COMMD1: variants seen among roughly 807,000 people sequenced by gnomAD.
COMMD1 encodes the protein COMM domain-containing protein 1.
A neutral mutation model predicts 17.2 loss-of-function variants in COMMD1; 10 were observed. The ratio of observed to expected loss-of-function variants is 0.58; its 90% CI spans 0.36 to 0.99. COMMD1 has a LOEUF of 0.99. COMMD1 is among the 50% of genes least tolerant of loss of function. The pLI is 0.01. For missense variants in COMMD1, 270 were observed against 231.8 expected (o/e 1.17, Z -1.07); for synonymous variants, 97 against 91.6 (o/e 1.06, Z -0.34).
chr2:61,979,231 C>G (rs1427896915), intron 1 of COMMD1, among the ~76,000 whole-genome samples: 1 of 152,098 alleles, frequency 6.6e-6, no homozygotes, highest in Non-Finnish European at 1.5e-5. Flanking sequence ...GTAATCCCAG[C>G]ACTTTGGGAG....
intron 2 of COMMD1, among the ~76,000 whole-genome samples, chr2:62,113,901 A>G (rs1020574114): frequency 1.3e-5 from 2 of 152,358 alleles, no homozygotes; most frequent in East Asian, 1.9e-4. Context: ...GAAGAGAAAT[A>G]TAAAGGCTTT....
At position 61,992,657 on chromosome 2, in the gene COMMD1, C is replaced by G. The variant is rs796523875; in HGVS notation, c.181-8044C>G. ...TTGGGTATTGAAGGATGCCGAACAT[C>G]CCTAGCTCATGCTCACTTAATGCGA... On this transcript the variant is annotated intron_variant, in intron 1 of 2. Coordinates refer to ENST00000311832, the MANE Select transcript of COMMD1 (RefSeq NM_152516.4). Among the ~76,000 whole-genome samples the G allele has an allele frequency of 1.4e-4, 21 of 152,288 alleles. 1 individual carries two copies. The highest frequency in any genetic ancestry group is 5.1e-4 in the African/African-American group (21 of 41,564).
intron 1 of COMMD1, among the ~76,000 whole-genome samples, chr2:61,930,672 C>T (rs1321574060): frequency 6.7e-6 from 1 of 148,884 alleles, no homozygotes; most frequent in Non-Finnish European, 1.5e-5. Context: ...AGTGTTTGAG[C>T]TCACCTATCC....
intron 1 of COMMD1, among the ~76,000 whole-genome samples, chr2:61,917,183 G>A (rs1360743964): frequency 6.6e-6 from 1 of 151,794 alleles, no homozygotes. Flanking sequence ...ATGAAACCCC[G>A]TCTCTGCTAA....
In COMMD1 at chr2:61,958,077, A is replaced by G. The variant is rs188272471; in HGVS notation, c.181-42624A>G. Reference sequence around the variant, plus strand: ...GGGTACATGTGCAGGTTTGTTATATAGGTAAACTTGTGTCATGGGGGTTTG... The same window carrying G: ...GGGTACATGTGCAGGTTTGTTATATGGGTAAACTTGTGTCATGGGGGTTTG... On this transcript the variant is annotated intron_variant, in intron 1 of 2. Transcript: ENST00000311832. Among the ~76,000 whole-genome samples the G allele has an allele frequency of 1.4e-4, 21 of 152,294 alleles. No individual in the cohort carries two copies. The East Asian group carries it at 4.0e-3, about 29-fold the overall frequency.
intron 2 of COMMD1, among the ~76,000 whole-genome samples, chr2:62,054,815 A>G (rs910830335): frequency 1.3e-5 from 2 of 152,212 alleles, no homozygotes; most frequent in African/African-American, 2.4e-5. Flanking sequence ...ACCTCTATGC[A>G]ATCTATGTAT....
chr2:62,043,528 C>A (rs1250680056), intron 2 of COMMD1, among the ~76,000 whole-genome samples: 1 of 152,006 alleles, frequency 6.6e-6, no homozygotes, highest in Non-Finnish European at 1.5e-5. Flanking sequence ...CTTAGTGGTG[C>A]CATACATAAA....
chr2:61,902,510 TA>T (rs1558515384), upstream of COMMD1, among the ~76,000 whole-genome samples: 1 of 145,530 alleles, frequency 6.9e-6, no homozygotes, highest in African/African-American at 2.5e-5. Flanking sequence ...AACTCCACCT[TA>T]AAAAAAAAGA....
chr2:62,096,315 ATGATCT>A (rs1306848995), intron 2 of COMMD1, among the ~76,000 whole-genome samples: 1 of 152,244 alleles, frequency 6.6e-6, no homozygotes, highest in Non-Finnish European at 1.5e-5. Flanking sequence ...TTCAAAACTG[ATGATCT>A]TTATCAGCAG....
chr2:62,064,778 C>G (rs780035555), intron 2 of COMMD1, among the ~76,000 whole-genome samples: 11 of 152,078 alleles, frequency 7.2e-5, no homozygotes, highest in Non-Finnish European at 1.3e-4. Flanking sequence ...TTTATCTAAC[C>G]TTTCTAAATT....
chr2:62,027,249 G>A (rs1302120547), intron 2 of COMMD1, among the ~76,000 whole-genome samples: 1 of 152,050 alleles, frequency 6.6e-6, no homozygotes, highest in Non-Finnish European at 1.5e-5. Context: ...TTATGAGCTT[G>A]TGTTTCTCTT....
chr2:62,052,465 G>A (rs977442187), intron 2 of COMMD1, among the ~76,000 whole-genome samples: 1 of 152,084 alleles, frequency 6.6e-6, no homozygotes, highest in African/African-American at 2.4e-5. Context: ...TTCCATTGTT[G>A]CTTGGGTATG....
At chr2:62,033,643 A>G (rs147528409) in intron 2 of COMMD1, among the ~76,000 whole-genome samples, 2,310 of 152,170 alleles carry the variant, frequency 0.015, 27 homozygotes, top group Non-Finnish European at 0.023. Context: ...AAATACTTCA[A>G]ATATTTGTTT....
chr2:62,047,707 C>T (rs1670419772), intron 2 of COMMD1, among the ~76,000 whole-genome samples: 1 of 152,122 alleles, frequency 6.6e-6, no homozygotes, highest in African/African-American at 2.4e-5. Context: ...CTTGCCTCGG[C>T]CTCCCAAGGT....
At chr2:62,067,089 G>A (rs1039861199) in intron 2 of COMMD1, among the ~76,000 whole-genome samples, 8 of 152,176 alleles carry the variant, frequency 5.3e-5, no homozygotes, top group African/African-American at 1.4e-4. Flanking sequence ...GCCGGGCATG[G>A]TGGCTCATGC....
intron 2 of COMMD1, among the ~76,000 whole-genome samples, chr2:62,011,755 A>G (rs903317834): frequency 3.9e-5 from 6 of 152,160 alleles, no homozygotes; most frequent in Non-Finnish European, 8.8e-5. Context: ...GAGCCTTACC[A>G]AAGCTCAAAA....
chr2:62,075,856 A>G lies in COMMD1; in HGVS notation c.463-59975A>G, dbSNP rs188262679. ...TCTTGACATCTGATTTGTATGAACC[A>G]TATGTTGTCACATGGCAATATAATG... On this transcript the variant is annotated intron_variant, in intron 2 of 2. Transcript: ENST00000311832. Among the ~76,000 whole-genome samples, 33 of 152,370 alleles carry G rather than the reference A, an allele frequency of 2.2e-4. No individual in the cohort carries two copies. In the East Asian group the frequency reaches 3.7e-3, roughly 17 times the overall value.
chr2:61,922,219 A>C (rs1670217714), intron 1 of COMMD1, among the ~76,000 whole-genome samples: 1 of 152,208 alleles, frequency 6.6e-6, no homozygotes, highest in Non-Finnish European at 1.5e-5. Flanking sequence ...TGCAGGGAAG[A>C]TTCTAAAGAT....
intron 2 of COMMD1, chr2:62,001,194 CAGA>C: frequency 1.8e-6 from 1 of 555,566 alleles, no homozygotes; most frequent in Admixed American, 3.0e-5. Flanking sequence ...GCAGCTGTCT[CAGA>C]AGAACAGAAT....
Sources: gnomAD v4.1 joint callset for allele counts (sites outside exome capture counted in the v4.1 genomes callset) on GRCh38, gnomAD v4.1.1 for gene constraint, MANE v1.5 for transcripts, NCBI Gene and HGNC (gene_info 2026-07-23, HGNC 2026-07-21) for gene names.